Variants in KIAA1328 observed in about 807,000 individuals in gnomAD.
The protein encoded by KIAA1328 is KIAA1328, also known as protein hinderin.
In KIAA1328, 52 loss-of-function variants were observed where a neutral mutation model predicts 68.1. That is an observed-to-expected ratio of 0.76 (90% CI 0.61 to 0.96). KIAA1328 has a LOEUF of 0.96. KIAA1328 is among the 40% of genes least tolerant of loss of function. KIAA1328 has a pLI of 0.00. For synonymous variants in KIAA1328, 232 were observed against 239.4 expected (o/e 0.97, Z 0.28); for missense variants, 641 against 677.6 (o/e 0.95, Z 0.60).
chr18:37,224,542 T>C lies in KIAA1328; in HGVS notation c.*2315T>C, dbSNP rs1326971166. 1 of 975,754 alleles carries C rather than the reference T, an allele frequency of 1.0e-6. No individual in the cohort carries two copies. Among genetic ancestry groups the C allele is most frequent in the African/African-American group, 1.8e-5 (1 of 57,036 alleles). 60.4% of individuals were successfully genotyped at this position (975,754 alleles called of 1,614,324 possible). On this transcript the variant is annotated 3_prime_UTR_variant, in exon 10 of 10. Coordinates refer to ENST00000280020, the MANE Select transcript of KIAA1328 (RefSeq NM_020776.3). ...GGATGTAAATTTGTATATAATCTAA[T>C]GTCTTCATTATTAATTGAATAGTAC... is the stretch of plus-strand genomic sequence containing the variant.
chr18:37,209,738 G>A (rs1040372307), intron 9 of KIAA1328, among the ~76,000 whole-genome samples: 23 of 151,976 alleles, frequency 1.5e-4, no homozygotes, highest in Admixed American at 1.4e-3. Flanking sequence ...GGTTGATTGA[G>A]AGGAGTGGGA....
chr18:36,895,140 C>G (rs1018772223), intron 5 of KIAA1328, among the ~76,000 whole-genome samples: 4 of 152,170 alleles, frequency 2.6e-5, no homozygotes, highest in Non-Finnish European at 4.4e-5. Context: ...GCATTCATAC[C>G]TGTACCAGCT....
chr18:36,867,142 T>TG (rs1188143312), intron 4 of KIAA1328, among the ~76,000 whole-genome samples: 2 of 152,152 alleles, frequency 1.3e-5, no homozygotes, highest in Non-Finnish European at 2.9e-5. Context: ...GATTGGATCA[T>TG]GGGGGTGGAT....
At chr18:37,046,493 A>G (rs72890579) in intron 6 of KIAA1328, among the ~76,000 whole-genome samples, 20,711 of 152,088 alleles carry the variant, frequency 0.14, 1,759 homozygotes, top group Admixed American at 0.18. Context: ...CTCCTCCACT[A>G]GCACTTCTTT....
At chr18:37,130,744 C>G (rs1330879934) in intron 7 of KIAA1328, among the ~76,000 whole-genome samples, 1 of 152,120 alleles carries the variant, frequency 6.6e-6, no homozygotes, top group Non-Finnish European at 1.5e-5. Flanking sequence ...TGAACAAGAG[C>G]TCTTAAAATG....
At chr18:36,987,528 T>C (rs933213437) in intron 6 of KIAA1328, among the ~76,000 whole-genome samples, 1 of 151,234 alleles carries the variant, frequency 6.6e-6, no homozygotes, top group Middle Eastern at 3.4e-3. Flanking sequence ...AAATAAAAAT[T>C]TAGGCTTAGC....
chr18:37,183,616 G>A (rs1281413926), intron 9 of KIAA1328, among the ~76,000 whole-genome samples: 2 of 152,050 alleles, frequency 1.3e-5, no homozygotes, highest in East Asian at 3.9e-4. Context: ...CTCCTCCCAA[G>A]GGATTATCAA....
At chr18:36,984,682 C>T (rs1391656691) in intron 6 of KIAA1328, among the ~76,000 whole-genome samples, 2 of 151,932 alleles carry the variant, frequency 1.3e-5, no homozygotes, top group African/African-American at 2.4e-5. Context: ...CTGAGACAAG[C>T]GGATCATGAA....
At chr18:36,885,807 T>C in intron 5 of KIAA1328, 135 bp downstream of exon 5, 1 of 570,644 alleles carries the variant, frequency 1.8e-6, no homozygotes, top group East Asian at 3.2e-5. Flanking sequence ...AACCTCCACC[T>C]CCCGGTTCAA....
At chr18:37,099,544 A>G (rs1408519966) in intron 7 of KIAA1328, among the ~76,000 whole-genome samples, 1 of 152,166 alleles carries the variant, frequency 6.6e-6, no homozygotes, top group Non-Finnish European at 1.5e-5. Context: ...AGAAGAATGT[A>G]TATTCTGTTG....
At chr18:37,092,749 C>T (rs1477780156) in intron 7 of KIAA1328, among the ~76,000 whole-genome samples, 3 of 152,138 alleles carry the variant, frequency 2.0e-5, no homozygotes, top group African/African-American at 7.2e-5. Context: ...GGCTATTGGA[C>T]ACAACACTTA....
chr18:37,090,353 T>C (rs1482338808), intron 7 of KIAA1328, among the ~76,000 whole-genome samples: 1 of 152,204 alleles, frequency 6.6e-6, no homozygotes, highest in African/African-American at 2.4e-5. Context: ...GCCTGCAAGG[T>C]ACAAAGTAAA....
At chr18:36,875,982 A>G (rs2048109527) in intron 4 of KIAA1328, among the ~76,000 whole-genome samples, 1 of 151,852 alleles carries the variant, frequency 6.6e-6, no homozygotes. Context: ...TGATTTGTGT[A>G]TGTTGAACCA....
intron 7 of KIAA1328, among the ~76,000 whole-genome samples, chr18:37,070,169 G>C (rs1053585325): frequency 3.9e-5 from 6 of 152,076 alleles, no homozygotes; most frequent in African/African-American, 9.7e-5. Flanking sequence ...TGATACCACT[G>C]TGCACACATA....
intron 6 of KIAA1328, among the ~76,000 whole-genome samples, chr18:36,960,426 C>T (rs1291539507): frequency 6.6e-6 from 1 of 152,200 alleles, no homozygotes; most frequent in Admixed American, 6.5e-5. Flanking sequence ...CTTAAACATC[C>T]CTGTCTGACA....
At chr18:37,130,409 A>G (rs997717002) in intron 7 of KIAA1328, among the ~76,000 whole-genome samples, 2 of 152,100 alleles carry the variant, frequency 1.3e-5, no homozygotes, top group Middle Eastern at 3.2e-3. Flanking sequence ...CACGCGATCA[A>G]GAGATCAAGA....
chr18:37,080,671 A>T (rs1429229442), intron 7 of KIAA1328, among the ~76,000 whole-genome samples: 2 of 151,336 alleles, frequency 1.3e-5, no homozygotes, highest in Non-Finnish European at 2.9e-5. Flanking sequence ...GCTACTCGGG[A>T]GGCTGAGGCA....
At chr18:37,008,274 A>T (rs1309172299) in intron 6 of KIAA1328, among the ~76,000 whole-genome samples, 1 of 152,198 alleles carries the variant, frequency 6.6e-6, no homozygotes, top group Non-Finnish European at 1.5e-5. Flanking sequence ...GTACTATGCT[A>T]TGCATGCACA....
At chr18:37,162,970 A>G (rs775178673) in intron 8 of KIAA1328, among the ~76,000 whole-genome samples, 2 of 152,138 alleles carry the variant, frequency 1.3e-5, no homozygotes, top group Non-Finnish European at 2.9e-5. Flanking sequence ...AATTACACTT[A>G]AGATATATAG....
Sources: gnomAD v4.1 joint callset for allele counts (sites outside exome capture counted in the v4.1 genomes callset) on GRCh38, gnomAD v4.1.1 for gene constraint, MANE v1.5 for transcripts, NCBI Gene and HGNC (gene_info 2026-07-23, HGNC 2026-07-21) for gene names.